Variants in CEMIP2 observed in about 807,000 individuals in gnomAD.
CEMIP2 encodes cell migration inducing hyaluronidase 2.
In CEMIP2, 79 loss-of-function variants were observed where a neutral mutation model predicts 146.9. That is an observed-to-expected ratio of 0.54 (90% CI 0.45 to 0.65). CEMIP2 has a LOEUF of 0.65. Among genes scored for constraint, CEMIP2 ranks in the 30% least tolerant of loss-of-function variants. The pLI, the probability that CEMIP2 is intolerant of heterozygous loss-of-function variation, is 0.00. For synonymous variants in CEMIP2, 601 were observed against 606.3 expected, an observed-to-expected ratio of 0.99 and a Z score of 0.13; for missense variants, 1,596 against 1,696.2, an observed-to-expected ratio of 0.94 and a Z score of 1.04.
At chr9:71,719,672 C>A (rs1162687150) in intron 12 of CEMIP2, among the ~76,000 whole-genome samples, 1 of 151,984 alleles carries the variant, frequency 6.6e-6, no homozygotes, top group South Asian at 2.1e-4. Flanking sequence ...GATTATATGG[C>A]CCAAGTCCCT....
chr9:71,690,177 G>T lies in CEMIP2; in HGVS notation c.3766C>A (p.Pro1256Thr). Residue 1256 changes from proline (P) to threonine (T), a missense_variant, in exon 22 of 24, where the codon CCA becomes ACA. By Grantham distance (38) the Pro-to-Thr change is conservative. Transcript: ENST00000377044. ...ACCGTTTTTTCCGTCAAGCGGAATGGAACGCTGCACGGATCCACAACAAGG... is the reference window on the plus strand; with the variant it reads ...ACCGTTTTTTCCGTCAAGCGGAATGTAACGCTGCACGGATCCACAACAAGG... ...LLLVVDPCSV[P>T]FRLTEKTVFP... is the part of the protein sequence containing the mutation. 1 of 1,614,166 alleles carries T rather than the reference G, an allele frequency of 6.2e-7. No homozygotes were observed. The highest frequency in any genetic ancestry group is 8.5e-7 in the Non-Finnish European group (1 of 1,180,014).
chr9:71,691,277 G>A (rs957602824), intron 21 of CEMIP2, among the ~76,000 whole-genome samples: 13 of 150,770 alleles, frequency 8.6e-5, no homozygotes, highest in African/African-American at 2.0e-4. Flanking sequence ...GAGATACACC[G>A]GGCGTGGTGG....
chr9:71,686,779 C>T (rs1281586863), intron 22 of CEMIP2: 2 of 152,048 alleles, frequency 1.3e-5, no homozygotes, highest in Non-Finnish European at 2.9e-5. Flanking sequence ...GTACACTGTG[C>T]CTATTCAGTA....
At chr9:71,768,879 G>C (rs1297501462), upstream of CEMIP2, 3 of 149,150 alleles carry the variant, frequency 2.0e-5, no homozygotes, top group African/African-American at 7.4e-5. Context: ...CGGCTCGGCT[G>C]GGCCGGGAAC....
At chr9:71,729,011 G>T (rs1216265626) in intron 10 of CEMIP2, among the ~76,000 whole-genome samples, 2 of 151,674 alleles carry the variant, frequency 1.3e-5, no homozygotes, top group Admixed American at 6.6e-5. Flanking sequence ...TTTGGAGGGT[G>T]TAGGGGGAGG....
intron 14 of CEMIP2, 101 bp from the exon 15 acceptor site, chr9:71,715,190 GA>G: frequency 1.9e-6 from 2 of 1,058,942 alleles, no homozygotes; most frequent in Non-Finnish European, 2.5e-6. Flanking sequence ...AGTTTTAAAA[GA>G]AGTCAATAGC....
chr9:71,758,020 G>A (rs1395300935), intron 1 of CEMIP2, among the ~76,000 whole-genome samples: 4 of 152,070 alleles, frequency 2.6e-5, no homozygotes, highest in Non-Finnish European at 5.9e-5. Context: ...GGGTAGGGAG[G>A]AATCTTTCTA....
intron 19 of CEMIP2, chr9:71,699,455 A>AG (rs952063551): frequency 9.6e-6 from 4 of 418,056 alleles, no homozygotes; most frequent in Non-Finnish European, 1.8e-5. Context: ...CGTCTCTTAA[A>AG]AAAAAAAAAA....
In CEMIP2 at chr9:71,704,726, C is replaced by G; in HGVS notation, c.3063G>C (p.Val1021=). ...TRDEYPSNPM[V]LRGINQKAAF... Reference sequence around the variant, plus strand: ...CAGCCTTCTGATTAATACCTCGGAGCACCATAGGGTTGGACGGATACTCAT... The same window carrying G: ...CAGCCTTCTGATTAATACCTCGGAGGACCATAGGGTTGGACGGATACTCAT... The change falls in exon 18 of 24, where the codon GTG becomes GTC. Residue 1021 remains valine, a synonymous_variant. Coordinates refer to ENST00000377044, the MANE Select transcript of CEMIP2 (RefSeq NM_013390.3). 6.2e-7 allele frequency: 1 copy of G among 1,614,098 alleles called. No homozygotes were observed.
intron 12 of CEMIP2, among the ~76,000 whole-genome samples, chr9:71,720,390 A>C (rs955729156): frequency 6.6e-6 from 1 of 152,174 alleles, no homozygotes; most frequent in Non-Finnish European, 1.5e-5. Flanking sequence ...TCCAGGGTTC[A>C]AGTGATTCTC....
intron 21 of CEMIP2, among the ~76,000 whole-genome samples, chr9:71,690,827 C>T (rs975437507): frequency 3.3e-5 from 5 of 152,162 alleles, no homozygotes; most frequent in African/African-American, 1.2e-4. Flanking sequence ...TATTTCACAA[C>T]TATTGTGAGC....
At chr9:71,728,487 GA>G (rs1029653780) in intron 10 of CEMIP2, among the ~76,000 whole-genome samples, 6 of 145,324 alleles carry the variant, frequency 4.1e-5, no homozygotes, top group Non-Finnish European at 6.1e-5. Flanking sequence ...GTCTCAGGGA[GA>G]AAAAAAAAGA....
intron 1 of CEMIP2, among the ~76,000 whole-genome samples, chr9:71,767,429 A>G (rs537990336): frequency 6.6e-6 from 1 of 152,334 alleles, no homozygotes; most frequent in Admixed American, 6.5e-5. Flanking sequence ...GTGCACAATG[A>G]AAGTTTTAAA....
chr9:71,740,055 T>G lies in CEMIP2; in HGVS notation c.1204+8A>C. 2 of 1,612,550 alleles carry G rather than the reference T, an allele frequency of 1.2e-6. No homozygotes were observed. Among genetic ancestry groups the G allele is most frequent in the African/African-American group, 1.3e-5 (1 of 74,954 alleles). On this transcript the variant is annotated splice_region_variant and intron_variant, in intron 5 of 23. Transcript: ENST00000377044. ...TGTCTTACAAGAGTATAAACTCTACTTGCCTACCTTCAATCCATTCACTAT... is the reference window on the plus strand; with the variant it reads ...TGTCTTACAAGAGTATAAACTCTACGTGCCTACCTTCAATCCATTCACTAT...
rs200717844 is a variant in CEMIP2, at chr9:71,730,768, G to A, written c.1710C>T (p.Asp570=). The change falls in exon 8 of 24, where the codon GAC becomes GAT. Residue 570 remains aspartate, a synonymous_variant. Coordinates refer to ENST00000377044, the MANE Select transcript of CEMIP2 (RefSeq NM_013390.3). ...AGAAGCTGTGATGAATAGACAGGCC[G>A]TCCACAAATGTTGCATGTCTGTATC... ...KGGYRHATFV[D]GLSIHHSFSR... 167 of 1,614,196 alleles carry A rather than the reference G, an allele frequency of 1.0e-4. No individual in the cohort carries two copies. The highest frequency in any genetic ancestry group is 3.3e-4 in the Middle Eastern group (2 of 6,062).
Position 71,730,836 on chromosome 9 carries a change from G to A in CEMIP2, c.1642C>T (p.Pro548Ser). 1.9e-6 allele frequency: 3 copies of A among 1,614,048 alleles called. No homozygotes were observed. Among genetic ancestry groups the A allele is most frequent in the Non-Finnish European group, 2.5e-6 (3 of 1,180,020 alleles). Residue 548 changes from proline to serine, a missense_variant, in exon 8 of 24, where the codon CCT (proline) becomes TCT (serine). Physicochemically the swap from Pro to Ser is moderately conservative, Grantham distance 74 (BLOSUM62 -1). Coordinates refer to ENST00000377044, the MANE Select transcript of CEMIP2 (RefSeq NM_013390.3). ...TCACCACACAGGTGAAAATGAACAG[G>A]GTATCGCCCCATCTGCTGCTGACCC... ...HMGQQQMGRY[P>S]VHFHLCGDVD...
intron 10 of CEMIP2, among the ~76,000 whole-genome samples, chr9:71,728,251 G>GTATATATATA (rs1156285845): frequency 0.097 from 1,383 of 14,224 alleles, 223 homozygotes; most frequent in South Asian, 0.2. Flanking sequence ...ATATATATAT[G>GTATATATATA]TATATACACG....
intron 14 of CEMIP2, 25 bp downstream of exon 14, chr9:71,716,492 T>C (rs1395927019): frequency 2.6e-6 from 4 of 1,546,510 alleles, no homozygotes; most frequent in East Asian, 4.6e-5. Context: ...TTAAAATAAG[T>C]AAGTATTTTT....
At chr9:71,699,507 AC>A (rs1351581040) in intron 19 of CEMIP2, 1 of 412,814 alleles carries the variant, frequency 2.4e-6, no homozygotes, top group African/African-American at 2.1e-5. Flanking sequence ...AAAATTGGAG[AC>A]AATTATGACA....
Sources: allele counts gnomAD v4.1 joint callset (sites outside exome capture counted in the v4.1 genomes callset), GRCh38; gene constraint gnomAD v4.1.1; transcripts MANE v1.5; gene names NCBI Gene and HGNC (gene_info 2026-07-23, HGNC 2026-07-21).